The following TPD52 variants were observed in gnomAD, a reference collection of about 807,000 sequenced individuals.
TPD52 encodes tumor protein D52, also known as prostate and colon associated protein.
In TPD52, 17 loss-of-function variants were observed where a neutral mutation model predicts 31.3. The ratio of observed to expected loss-of-function variants is 0.54; its 90% CI spans 0.37 to 0.82. The LOEUF (loss-of-function observed/expected upper bound fraction) is 0.82, where lower values mean the gene tolerates loss of function less well. Ranked by LOEUF, TPD52 falls within the 40% of genes least tolerant of loss-of-function variation. TPD52 has a pLI of 0.00. For synonymous variants in TPD52, 83 were observed against 89.6 expected, an observed-to-expected ratio of 0.93 and a Z score of 0.42; for missense variants, 212 against 240.1, an observed-to-expected ratio of 0.88 and a Z score of 0.77.
chr8:80,171,477 AC>A lies in TPD52; in HGVS notation c.-35del. The A allele has an allele frequency of 1.3e-6, 2 of 1,526,698 alleles. No individual in the cohort carries two copies. The highest frequency in any genetic ancestry group is 1.9e-5 in the Admixed American group (1 of 51,774). 94.6% of individuals were successfully genotyped at this position (1,526,698 alleles called of 1,614,324 possible). A position where few individuals can be genotyped will look rare whatever the true frequency, so the allele number is the denominator to read the frequency against. On this transcript the variant is annotated 5_prime_UTR_variant, in exon 1 of 8. Transcript: ENST00000518937. ...CCCGCCGCCTCGTGTCCTCTGCAGC[AC>A]CCCCGCCTGCAGCCCGTCCCGGCTC...
At chr8:80,034,739 C>T (rs900434373), downstream of TPD52, 7 of 152,110 alleles carry the variant, frequency 4.6e-5, no homozygotes, top group African/African-American at 1.7e-4. Context: ...TGAAAGATCA[C>T]GTCCATTTAC....
intron 1 of TPD52, among the ~76,000 whole-genome samples, chr8:80,091,047 A>C (rs955309756): frequency 6.6e-6 from 1 of 152,254 alleles, no homozygotes; most frequent in African/African-American, 2.4e-5. Context: ...ATAAGATGTC[A>C]TTCCCTCTCT....
At chr8:80,103,623 C>T (rs566733025) in intron 1 of TPD52, among the ~76,000 whole-genome samples, 7 of 152,324 alleles carry the variant, frequency 4.6e-5, no homozygotes, top group East Asian at 1.9e-4. Flanking sequence ...CACAGAGCCC[C>T]TTGTGCTTAC....
chr8:80,152,302 A>T (rs1475947897), intron 1 of TPD52, among the ~76,000 whole-genome samples: 2 of 152,196 alleles, frequency 1.3e-5, no homozygotes, highest in African/African-American at 4.8e-5. Flanking sequence ...CCAACCCTTG[A>T]TAGTACCTGA....
intron 1 of TPD52, among the ~76,000 whole-genome samples, chr8:80,117,912 T>G (rs767916730): frequency 1.3e-5 from 2 of 151,826 alleles, no homozygotes; most frequent in African/African-American, 4.8e-5. Flanking sequence ...TTTTGTATTT[T>G]TAGTAGAGAT....
chr8:80,142,864 C>A (rs1809931287), intron 1 of TPD52, among the ~76,000 whole-genome samples: 1 of 152,184 alleles, frequency 6.6e-6, no homozygotes, highest in African/African-American at 2.4e-5. Flanking sequence ...CAGAATCCAG[C>A]AAGAGCTAGG....
chr8:80,101,277 G>A (rs541853481), intron 1 of TPD52, among the ~76,000 whole-genome samples: 46 of 151,980 alleles, frequency 3.0e-4, no homozygotes, highest in African/African-American at 1.0e-3. Flanking sequence ...GTGAAACCCC[G>A]TCTCTACTAA....
At chr8:80,031,576 G>A (rs1373753808), downstream of TPD52, among the ~76,000 whole-genome samples, 3 of 152,188 alleles carry the variant, frequency 2.0e-5, no homozygotes, top group African/African-American at 4.8e-5. Flanking sequence ...CCCTCAGTCT[G>A]ACTGGGCAGG....
intron 1 of TPD52, among the ~76,000 whole-genome samples, chr8:80,143,420 C>T (rs1274536013): frequency 6.6e-6 from 1 of 152,176 alleles, no homozygotes; most frequent in African/African-American, 2.4e-5. Flanking sequence ...ACGTATAACC[C>T]CAATTAAAAG....
intron 1 of TPD52, among the ~76,000 whole-genome samples, chr8:80,169,023 C>G (rs548519849): frequency 3.3e-5 from 5 of 152,272 alleles, no homozygotes; most frequent in African/African-American, 1.2e-4. Context: ...CTCGCTCTGT[C>G]GCCCAGGCTG....
At chr8:80,042,830 G>A in intron 6 of TPD52, 162 bp from the exon 7 acceptor site, 1 of 552,916 alleles carries the variant, frequency 1.8e-6, no homozygotes. Flanking sequence ...TATTTATAAT[G>A]TAAGATTCTC....
chr8:80,086,877 C>CAAAAAAAAAAAAAAAAAAAAA (rs58864911), intron 1 of TPD52, among the ~76,000 whole-genome samples: 1 of 76,564 alleles, frequency 1.3e-5, no homozygotes, highest in Non-Finnish European at 2.4e-5. Flanking sequence ...GCTGTCTCAA[C>CAAAAAAAAAAAAAAAAAAAAA]AAAAAAAAAA....
At position 80,154,480 on chromosome 8, in the gene TPD52, C is replaced by T. The variant is rs146989651; in HGVS notation, c.19+16945G>A. 5.0e-3 allele frequency among the ~76,000 whole-genome samples: 759 copies of T among 152,338 alleles called. 5 individuals are homozygous for T. The highest frequency in any genetic ancestry group is 0.017 in the African/African-American group (726 of 41,572). On this transcript the variant is annotated intron_variant, in intron 1 of 7. Transcript: ENST00000518937. The stretch of plus-strand genomic sequence containing the variant: ...CAATTGACTCACTGCTTACTTCCCT[C>T]TCCCCTTAAGTGATAACAAAAAATC...
intron 1 of TPD52, among the ~76,000 whole-genome samples, chr8:80,165,341 T>C (rs1210694087): frequency 1.3e-5 from 2 of 152,226 alleles, no homozygotes; most frequent in Non-Finnish European, 2.9e-5. Flanking sequence ...CTAAGAATTC[T>C]TCCTACAGAC....
chr8:80,106,826 C>A (rs1165383880), intron 1 of TPD52, among the ~76,000 whole-genome samples: 5 of 147,840 alleles, frequency 3.4e-5, no homozygotes, highest in African/African-American at 2.5e-5. Context: ...CCACAAAAAG[C>A]AAAAAAAAAC....
chr8:80,076,155 G>A (rs10093635), intron 1 of TPD52, among the ~76,000 whole-genome samples: 1,607 of 152,256 alleles, frequency 0.011, 25 homozygotes, highest in East Asian at 0.049. Flanking sequence ...CCATTACTGG[G>A]TATACACCCA....
At chr8:80,085,229 C>A (rs541816139) in intron 1 of TPD52, among the ~76,000 whole-genome samples, 1 of 152,224 alleles carries the variant, frequency 6.6e-6, no homozygotes, top group Admixed American at 6.5e-5. Context: ...AAGGGCAGTT[C>A]AGAAGTCAAC....
chr8:80,042,197 G>T, intron 7 of TPD52: 5 of 985,284 alleles, frequency 5.1e-6, no homozygotes, highest in Non-Finnish European at 6.0e-6. Flanking sequence ...TTTTTAAAGC[G>T]TAACAGCATA....
intron 1 of TPD52, among the ~76,000 whole-genome samples, chr8:80,145,015 C>T (rs573061593): frequency 7.9e-5 from 12 of 152,238 alleles, no homozygotes; most frequent in African/African-American, 2.9e-4. Flanking sequence ...TTTCTACACA[C>T]CACATGAGGT....
Sources: gnomAD v4.1 joint callset for allele counts (sites outside exome capture counted in the v4.1 genomes callset) on GRCh38, gnomAD v4.1.1 for gene constraint, MANE v1.5 for transcripts, NCBI Gene and HGNC (gene_info 2026-07-23, HGNC 2026-07-21) for gene names.